The following OSBPL10 variants were observed in gnomAD, a reference collection of about 807,000 sequenced individuals.
OSBPL10 encodes oxysterol-binding protein-related protein 10.
OSBPL10 carries 49 observed loss-of-function variants against 81.7 expected under a neutral mutation model. The ratio of observed to expected loss-of-function variants is 0.60; its 90% CI spans 0.48 to 0.76. The LOEUF (loss-of-function observed/expected upper bound fraction) is 0.76, where lower values mean the gene tolerates loss of function less well. Ranked by LOEUF, OSBPL10 falls within the 30% of genes least tolerant of loss-of-function variation. The pLI is 0.00. For synonymous variants in OSBPL10, 419 were observed against 383.6 expected, an observed-to-expected ratio of 1.09 and a Z score of -1.08; for missense variants, 923 against 987.8, an observed-to-expected ratio of 0.93 and a Z score of 0.88.
chr3:31,817,100 A>G (rs1301199637), intron 4 of OSBPL10, among the ~76,000 whole-genome samples: 1 of 152,064 alleles, frequency 6.6e-6, no homozygotes, highest in Non-Finnish European at 1.5e-5. Flanking sequence ...GAGAAAGTAC[A>G]TGCCAACTGG....
At chr3:32,042,343 TG>T (rs1043633654) in intron 2 of OSBPL10, among the ~76,000 whole-genome samples, 7 of 152,264 alleles carry the variant, frequency 4.6e-5, no homozygotes, top group African/African-American at 1.2e-4. Flanking sequence ...TAACATGGTT[TG>T]TTTTTTTGCC....
At chr3:32,013,772 G>A (rs1258553678) in intron 2 of OSBPL10, among the ~76,000 whole-genome samples, 1 of 152,198 alleles carries the variant, frequency 6.6e-6, no homozygotes, top group Non-Finnish European at 1.5e-5. Flanking sequence ...TATCACCACT[G>A]ATCCCACAGA....
intron 4 of OSBPL10, among the ~76,000 whole-genome samples, chr3:31,806,203 G>A (rs73059413): frequency 2.6e-5 from 4 of 151,992 alleles, no homozygotes; most frequent in Non-Finnish European, 4.4e-5. Context: ...GAGAGCCTAC[G>A]CCCTTGTTCC....
At chr3:32,050,348 T>C (rs1419154385) in intron 1 of OSBPL10, among the ~76,000 whole-genome samples, 1 of 152,230 alleles carries the variant, frequency 6.6e-6, no homozygotes, top group African/African-American at 2.4e-5. Flanking sequence ...GTTCAATTTC[T>C]GGCTTTGGGA....
chr3:31,907,619 CAAAAAAAAAAAA>C lies in OSBPL10; in HGVS notation c.282-27801_282-27790del, dbSNP rs142840420. Among the ~76,000 whole-genome samples the C allele has an allele frequency of 8.8e-4, 56 of 63,874 alleles. 1 individual carries two copies. Among genetic ancestry groups the C allele is most frequent in the East Asian group, 2.6e-3 (5 of 1,928 alleles). The allele number at this position is 63,874 out of a possible 152,430, so 41.9% of individuals were successfully genotyped here. The stretch of plus-strand genomic sequence containing the variant: ...TCCAGCCTGGGTGAGACCTCCATCT[CAAAAAAAAAAAA>C]AAAAAAAAAAAAAAAAAAAATTTAA... On this transcript the variant is annotated intron_variant, in intron 1 of 11. Transcript: ENST00000396556.
At chr3:31,774,867 T>C (rs1575536143) in intron 4 of OSBPL10, among the ~76,000 whole-genome samples, 1 of 151,216 alleles carries the variant, frequency 6.6e-6, no homozygotes, top group East Asian at 2.0e-4. Context: ...AGGTCATTAC[T>C]TAAGAATGGA....
rs1233452341 is a variant in OSBPL10, at chr3:31,981,112, C to A, written c.68G>T (p.Arg23Leu). 4 of 1,492,286 alleles carry A rather than the reference C, an allele frequency of 2.7e-6. No homozygotes were observed. The highest frequency in any genetic ancestry group is 2.9e-5 in the African/African-American group (2 of 68,250). The allele number at this position is 1,492,286 out of a possible 1,614,324, so 92.4% of individuals were successfully genotyped here. A position where few individuals can be genotyped will look rare whatever the true frequency, so the allele number is the denominator to read the frequency against. ...GSNSSSRSSS[R>L]ATSAGSSPSC... ...GGGCGAGGAGCCCGCCGAGGTAGCA[C>A]GGCTGCTGCTGCGGCTGCTGCTGTT... The change falls in exon 1 of 12, where the codon CGT becomes CTT. Residue 23 changes from arginine (R) to leucine (L), a missense_variant. Physicochemically the swap from Arg to Leu is moderately radical, Grantham distance 102. Around this residue, in one of 3 missense-constraint regions of OSBPL10, gnomAD observed 514 missense variants for 508.0 expected, o/e 1.01. Transcript: ENST00000396556. This position sits in a 1 kb window ranked among gnomAD's most constrained non-coding sequence, Gnocchi z 4.5.
chr3:31,905,974 A>G (rs1696400404), intron 1 of OSBPL10, among the ~76,000 whole-genome samples: 1 of 151,938 alleles, frequency 6.6e-6, no homozygotes, highest in South Asian at 2.1e-4. Flanking sequence ...AACAGTCACC[A>G]CATTCAACCT....
rs532933324 is a variant in OSBPL10, at chr3:31,990,931, G to A, written n.298+55560C>T. On this transcript the variant is annotated intron_variant and non_coding_transcript_variant, in intron 2 of 3. Transcript: ENST00000479173. ...CATTAGACATCAGAGAATCCATACCGGACAGAAATCTTACAAATGTCATAA... is the reference window on the plus strand; with the variant it reads ...CATTAGACATCAGAGAATCCATACCAGACAGAAATCTTACAAATGTCATAA... 226 of 1,574,834 alleles carry A rather than the reference G, an allele frequency of 1.4e-4. 1 individual carries two copies. Among genetic ancestry groups the A allele is most frequent in the Middle Eastern group, 1.2e-3 (7 of 6,008 alleles).
chr3:31,805,401 G>C (rs1699495579), intron 4 of OSBPL10, among the ~76,000 whole-genome samples: 1 of 152,100 alleles, frequency 6.6e-6, no homozygotes, highest in Non-Finnish European at 1.5e-5. Flanking sequence ...GAAGCTCATG[G>C]GGCTTCAAAC....
intron 4 of OSBPL10, among the ~76,000 whole-genome samples, chr3:31,756,814 A>G (rs1697902149): frequency 6.6e-6 from 1 of 152,202 alleles, no homozygotes; most frequent in Non-Finnish European, 1.5e-5. Flanking sequence ...AAATAGGGGG[A>G]AACCTCCTCT....
chr3:32,062,656 C>A (rs1172305825), intron 1 of OSBPL10, among the ~76,000 whole-genome samples: 3 of 94,508 alleles, frequency 3.2e-5, no homozygotes, highest in African/African-American at 8.2e-5. Context: ...GGAGCATGGG[C>A]TTCTTGAATC....
At chr3:31,675,945 CAA>C (rs773575072) in intron 8 of OSBPL10, among the ~76,000 whole-genome samples, 12 of 59,148 alleles carry the variant, frequency 2.0e-4, no homozygotes, top group African/African-American at 1.7e-4. Context: ...GACTCCATCT[CAA>C]AAAAAAAAAA....
At chr3:31,871,979 C>T (rs1461686920) in intron 3 of OSBPL10, among the ~76,000 whole-genome samples, 3 of 152,188 alleles carry the variant, frequency 2.0e-5, no homozygotes, top group Non-Finnish European at 4.4e-5. Context: ...GGCTTTATGA[C>T]TCTCTCTCAA....
At chr3:31,749,199 A>C (rs1004270440) in intron 4 of OSBPL10, among the ~76,000 whole-genome samples, 1 of 152,250 alleles carries the variant, frequency 6.6e-6, no homozygotes. Flanking sequence ...CAGTGGGAAG[A>C]AGCAGTAATT....
At chr3:31,879,958 T>G in intron 1 of OSBPL10, 128 bp from the exon 2 acceptor site, 1 of 986,176 alleles carries the variant, frequency 1.0e-6, no homozygotes, top group Non-Finnish European at 1.5e-6. Context: ...AAACCAAAAG[T>G]CCCTCCCAGA....
chr3:31,861,236 CAT>C (rs2125597223), intron 3 of OSBPL10, among the ~76,000 whole-genome samples: 1 of 152,104 alleles, frequency 6.6e-6, no homozygotes, highest in East Asian at 1.9e-4. Context: ...CCTTGGTGTC[CAT>C]GGGGGATTAG....
intron 2 of OSBPL10, chr3:32,045,823 C>T (rs574164247): frequency 6.6e-6 from 1 of 152,220 alleles, no homozygotes; most frequent in Admixed American, 6.5e-5. Flanking sequence ...CAGATGAAGC[C>T]TAAGAATCAG....
chr3:31,899,929 A>T (rs1696182731), intron 1 of OSBPL10, among the ~76,000 whole-genome samples: 1 of 152,178 alleles, frequency 6.6e-6, no homozygotes, highest in South Asian at 2.1e-4. Flanking sequence ...AATATACTGG[A>T]TTAAGCTGTT....
Sources: allele counts gnomAD v4.1 joint callset (sites outside exome capture counted in the v4.1 genomes callset), GRCh38; gene constraint gnomAD v4.1.1; regional missense constraint gnomAD v4.1.1; non-coding constraint Gnocchi (gnomAD v3.1); transcripts MANE v1.5; gene names NCBI Gene and HGNC (gene_info 2026-07-23, HGNC 2026-07-21).